The following JAKMIP1 variants were observed in gnomAD, a reference collection of about 807,000 sequenced individuals.
The protein encoded by JAKMIP1 is janus kinase and microtubule interacting protein 1, also known as janus kinase and microtubule-interacting protein 1.
In JAKMIP1, 33 loss-of-function variants were observed where a neutral mutation model predicts 113.0. The observed-to-expected ratio is 0.29, with a 90% CI of 0.22 to 0.39. The LOEUF is 0.39. Ranked by LOEUF, JAKMIP1 falls within the 10% of genes least tolerant of loss-of-function variation. JAKMIP1 has a pLI of 1.00. For missense variants in JAKMIP1, 813 were observed against 1,080.5 expected, an observed-to-expected ratio of 0.75 and a Z score of 3.47; for synonymous variants, 480 against 459.9, an observed-to-expected ratio of 1.04 and a Z score of -0.56.
In JAKMIP1 at chr4:6,089,806, C is replaced by T. The variant is rs1026247342; in HGVS notation, c.625-4177G>A. Among the ~76,000 whole-genome samples the T allele has an allele frequency of 6.6e-6, 1 of 152,094 alleles. No individual in the cohort carries two copies. The highest frequency in any genetic ancestry group is 1.5e-5 in the Non-Finnish European group (1 of 68,018). Reference sequence around the variant, plus strand: ...TACCTGTAGTGGGATGAATAATGTCCCCCAAAATGTCACATCTACCCCGAA... The same window carrying T: ...TACCTGTAGTGGGATGAATAATGTCTCCCAAAATGTCACATCTACCCCGAA... On this transcript the variant is annotated intron_variant, in intron 3 of 20. Coordinates refer to ENST00000409021, the MANE Select transcript of JAKMIP1 (RefSeq NM_001099433.2). The surrounding 1 kb of genome is among the most constrained non-coding windows in gnomAD (Gnocchi z 5.3).
chr4:6,042,141 G>A lies in JAKMIP1; in HGVS notation c.2097+18C>T, dbSNP rs761316897. ...CTTTGAACCCTCTCCCCCACCCCCA[G>A]GCAGTCAAATCTTTTACCTTCTCCT... On this transcript the variant is annotated intron_variant, in intron 17 of 20. Transcript: ENST00000409021. This position sits in a 1 kb window ranked among gnomAD's most constrained non-coding sequence, Gnocchi z 5.2. 2 of 1,608,264 alleles carry A rather than the reference G, an allele frequency of 1.2e-6. No homozygotes were observed. The highest frequency in any genetic ancestry group is 1.7e-6 in the Non-Finnish European group (2 of 1,174,774).
intron 3 of JAKMIP1, among the ~76,000 whole-genome samples, chr4:6,098,392 C>T (rs1333782354): frequency 6.6e-6 from 1 of 151,376 alleles, no homozygotes; most frequent in Admixed American, 6.6e-5. Flanking sequence ...GAGATCACAG[C>T]ATTGCACTTC....
rs905477599 is a variant in JAKMIP1, at chr4:6,162,101, G to C, written c.-148+38152C>G. Among the ~76,000 whole-genome samples, 1 of 148,050 alleles carries C rather than the reference G, an allele frequency of 6.8e-6. No homozygotes were observed. The highest frequency in any genetic ancestry group is 1.5e-5 in the Non-Finnish European group (1 of 68,004). On this transcript the variant is annotated intron_variant, in intron 1 of 20. Transcript: ENST00000409021. The surrounding 1 kb of genome is among the most constrained non-coding windows in gnomAD (Gnocchi z 5.6). ...GCTCAGGCTCAGCCATGTCTGGGAC[G>C]GGGTAGATTATGGGCCAGACGGGGG...
chr4:6,056,582 G>T, intron 12 of JAKMIP1, 115 bp downstream of exon 12: 1 of 760,682 alleles, frequency 1.3e-6, no homozygotes. Flanking sequence ...AGGACCCGAG[G>T]CCCTGGTCAC....
intron 1 of JAKMIP1, among the ~76,000 whole-genome samples, chr4:6,113,674 G>C (rs1715296709): frequency 6.6e-6 from 1 of 152,220 alleles, no homozygotes; most frequent in Non-Finnish European, 1.5e-5. Context: ...AAGCGGGTGA[G>C]CCAGGACTGA....
Position 6,054,799 on chromosome 4 carries a change from A to T in JAKMIP1, c.1708-651T>A, listed in dbSNP as rs1187633846. ...CACCCATCGCCTGGCAGCAGCGAGAAGTCACTAAAATAACGCATGTACACG... is the reference window on the plus strand; with the variant it reads ...CACCCATCGCCTGGCAGCAGCGAGATGTCACTAAAATAACGCATGTACACG... On this transcript the variant is annotated intron_variant, in intron 12 of 20. Coordinates refer to ENST00000409021, the MANE Select transcript of JAKMIP1 (RefSeq NM_001099433.2). The T allele has an allele frequency of 4.2e-5, 19 of 456,640 alleles. No individual in the cohort carries two copies. In the Admixed American group the frequency reaches 4.5e-4, roughly 11 times the overall value. 28.3% of individuals were successfully genotyped at this position (456,640 alleles called of 1,614,324 possible). A position where few individuals can be genotyped will look rare whatever the true frequency, so the allele number is the denominator to read the frequency against.
At chr4:6,027,743 C>T (rs1016846030) in intron 20 of JAKMIP1, among the ~76,000 whole-genome samples, 1 of 152,232 alleles carries the variant, frequency 6.6e-6, no homozygotes, top group East Asian at 1.9e-4. Context: ...GCCAGAAAGA[C>T]GATTCCAACA....
rs183400483 is a variant in JAKMIP1 at position 6,158,058 on chromosome 4, C to T, written c.-148+42195G>A. On this transcript the variant is annotated intron_variant, in intron 1 of 20. Transcript: ENST00000409021. The surrounding 1 kb of genome is among the most constrained non-coding windows in gnomAD (Gnocchi z 5.3). ...TGCTATGAGGTAGGGCTCAAGCTGT[C>T]GGCCAGCGCCGTCCCTCTCCCTGTG... Among the ~76,000 whole-genome samples the T allele has an allele frequency of 8.0e-4, 122 of 152,302 alleles. No homozygotes were observed. The highest frequency in any genetic ancestry group is 3.3e-3 in the Admixed American group (50 of 15,306).
rs999976979 is a variant in JAKMIP1 at position 6,094,711 on chromosome 4, C to T, written c.625-9082G>A. Among the ~76,000 whole-genome samples the T allele has an allele frequency of 3.9e-5, 6 of 152,326 alleles. No homozygotes were observed. In the East Asian group the frequency reaches 9.6e-4, roughly 24 times the overall value. ...GATCCATTATAGAAAATGAAAAATA[C>T]AGCCAGACGCAGTGGCTCACGCCTA... On this transcript the variant is annotated intron_variant, in intron 3 of 20. Transcript: ENST00000409021. This position sits in a 1 kb window ranked among gnomAD's most constrained non-coding sequence, Gnocchi z 4.2.
At chr4:6,037,941 G>A in intron 18 of JAKMIP1, among the ~76,000 whole-genome samples, 1 of 122,988 alleles carries the variant, frequency 8.1e-6, no homozygotes, top group Non-Finnish European at 1.7e-5. Context: ...CACTGAGTCA[G>A]AGGTTAACCC....
At chr4:6,112,693 G>T (rs1543965) in intron 2 of JAKMIP1, 29 bp downstream of exon 2, 769,984 of 1,604,446 alleles carry the variant, frequency 0.48, 191,649 homozygotes, top group Admixed American at 0.68. Flanking sequence ...TTGCAGCCCA[G>T]CCGCTGCTGA....
chr4:6,063,943 G>A (rs566843221), intron 9 of JAKMIP1, among the ~76,000 whole-genome samples: 8 of 152,330 alleles, frequency 5.3e-5, no homozygotes, highest in Admixed American at 1.3e-4. Flanking sequence ...GTGCTCCCTC[G>A]CGAGGTAGCG....
intron 1 of JAKMIP1, among the ~76,000 whole-genome samples, chr4:6,161,137 C>T (rs1722887910): frequency 6.7e-6 from 1 of 148,624 alleles, no homozygotes; most frequent in African/African-American, 2.5e-5. Context: ...CTGATCTCCA[C>T]TCACCTCCCC....
At chr4:6,128,006 C>T (rs775590357) in intron 1 of JAKMIP1, among the ~76,000 whole-genome samples, 11 of 152,304 alleles carry the variant, frequency 7.2e-5, no homozygotes, top group South Asian at 2.1e-4. Flanking sequence ...ATGTATCAGG[C>T]GCCCCATCTG....
Position 6,076,209 on chromosome 4 carries a change from T to TAAAC in JAKMIP1, c.1302+2726_1302+2729dup, listed in dbSNP as rs202143734. Reference sequence around the variant, plus strand: ...ATTAGTAAATAAATAAAAAATAAAATAAACAAACAAACAAATAAATATAGA... The same window carrying TAAAC: ...ATTAGTAAATAAATAAAAAATAAAATAAACAAACAAACAAACAAATAAATATAGA... On this transcript the variant is annotated intron_variant, in intron 8 of 20. Coordinates refer to ENST00000409021, the MANE Select transcript of JAKMIP1 (RefSeq NM_001099433.2). The surrounding 1 kb of genome is among the most constrained non-coding windows in gnomAD (Gnocchi z 4.8). Among the ~76,000 whole-genome samples the TAAAC allele has an allele frequency of 1.3e-5, 2 of 151,934 alleles. No individual in the cohort carries two copies. Among genetic ancestry groups the TAAAC allele is most frequent in the African/African-American group, 2.4e-5 (1 of 41,348 alleles).
Position 6,153,646 on chromosome 4 carries a change from C to T in JAKMIP1, c.-147-40649G>A, listed in dbSNP as rs1388575020. ...GAAGGCCATCATGTTCCCGTGTGCC[C>T]CTCGGCACCTTACCTTTATGTGCTT... On this transcript the variant is annotated intron_variant, in intron 1 of 20. Transcript: ENST00000409021. The surrounding 1 kb of genome is among the most constrained non-coding windows in gnomAD (Gnocchi z 4.9). Among the ~76,000 whole-genome samples, 5 of 152,208 alleles carry T rather than the reference C, an allele frequency of 3.3e-5. No individual in the cohort carries two copies. The highest frequency in any genetic ancestry group is 1.2e-4 in the African/African-American group (5 of 41,450).
intron 16 of JAKMIP1, among the ~76,000 whole-genome samples, chr4:6,046,435 C>T (rs1560106744): frequency 6.6e-6 from 1 of 152,232 alleles, no homozygotes; most frequent in Non-Finnish European, 1.5e-5. Flanking sequence ...CTGTGCCAGG[C>T]TCAGAATCGG....
chr4:6,186,186 T>C lies in JAKMIP1; in HGVS notation c.-148+14067A>G, dbSNP rs566649405. On this transcript the variant is annotated intron_variant, in intron 1 of 20. Transcript: ENST00000409021. The surrounding 1 kb of genome is among the most constrained non-coding windows in gnomAD (Gnocchi z 5.5). ...GGAATGCAGGAACAGCCGACGAGGC[T>C]TCCCTGGAGCTTGCCAGGGGCAGGT... Among the ~76,000 whole-genome samples the C allele has an allele frequency of 2.4e-4, 36 of 152,306 alleles. No individual in the cohort carries two copies. Among genetic ancestry groups the C allele is most frequent in the African/African-American group, 8.7e-4 (36 of 41,558 alleles).
chr4:6,147,384 C>G (rs2108974654), intron 1 of JAKMIP1, among the ~76,000 whole-genome samples: 1 of 152,328 alleles, frequency 6.6e-6, no homozygotes, highest in South Asian at 2.1e-4. Context: ...ATGCAGAACA[C>G]ATCTGTGCCA....
Sources: gnomAD v4.1 joint callset for allele counts (sites outside exome capture counted in the v4.1 genomes callset) on GRCh38, gnomAD v4.1.1 for gene constraint, Gnocchi (gnomAD v3.1) non-coding constraint, MANE v1.5 for transcripts, NCBI Gene and HGNC (gene_info 2026-07-23, HGNC 2026-07-21) for gene names.